Variants in NOXO1 observed in about 807,000 individuals in gnomAD.
NOXO1 encodes the protein NADPH oxidase organizer 1.
A neutral mutation model predicts 33.3 loss-of-function variants in NOXO1; 38 were observed. That is an observed-to-expected ratio of 1.14 (90% confidence interval 0.88 to 1.50). The LOEUF (loss-of-function observed/expected upper bound fraction) is 1.50. Ranked by LOEUF, NOXO1 falls within the 40% of genes most tolerant of loss-of-function variation. The pLI is 0.00. For missense variants in NOXO1, 675 were observed against 527.1 expected (o/e 1.28, Z -2.75); for synonymous variants, 302 against 237.3 (o/e 1.27, Z -2.51).
chr16:1,981,123 C>T lies in NOXO1; in HGVS notation c.57G>A (p.Lys19=). The T allele has an allele frequency of 6.2e-7, 1 of 1,613,506 alleles. No individual in the cohort carries two copies. Among genetic ancestry groups the T allele is most frequent in the Non-Finnish European group, 8.5e-7 (1 of 1,179,980 alleles). Residue 19 remains lysine (K), a synonymous_variant, in exon 1 of 8, where the codon AAG becomes AAA. Transcript: ENST00000356120. ...SVQGAALVQI[K]RLQTFAFSVR... is the part of the protein sequence containing the mutation. ...CCCAGCCAGGTCTTACTTGGAGCCT[C>T]TTGATCTGCACCAGGGCTGCCCCTT...
chr16:1,979,132 C>T lies in NOXO1; in HGVS notation c.1036G>A (p.Ala346Thr), dbSNP rs1489605902. Residue 346 changes from alanine (A) to threonine (T), a missense_variant, in exon 8 of 8, where the codon GCC becomes ACC. Coordinates refer to ENST00000356120, the MANE Select transcript of NOXO1 (RefSeq NM_172167.3). Reference sequence around the variant, plus strand: ...TGGCGCCGTGGGCGCCGCTCCAGGGCCCTGCGTGTGACGGTGCAGCAGCGG... The same window carrying T: ...TGGCGCCGTGGGCGCCGCTCCAGGGTCCTGCGTGTGACGGTGCAGCAGCGG... ...QSRCCTVTRR[A>T]LERRPRRQGR... 4.1e-6 allele frequency: 6 copies of T among 1,480,124 alleles called. No individual in the cohort carries two copies. In the Admixed American group the frequency reaches 8.2e-5, roughly 20 times the overall value. The allele number at this position is 1,480,124 out of a possible 1,614,324, so 91.7% of individuals were successfully genotyped here.
chr16:1,981,220 G>A lies in NOXO1; in HGVS notation c.-41C>T. On this transcript the variant is annotated 5_prime_UTR_variant, in exon 1 of 8. Coordinates refer to ENST00000356120, the MANE Select transcript of NOXO1 (RefSeq NM_172167.3). Reference sequence around the variant, plus strand: ...GCTGCAGATTCCTGAAATGGGCGAGGACCCTTCTGCCTCCCCGTGCTTGAG... The same window carrying A: ...GCTGCAGATTCCTGAAATGGGCGAGAACCCTTCTGCCTCCCCGTGCTTGAG... 3.1e-6 allele frequency: 5 copies of A among 1,612,330 alleles called. No homozygotes were observed. Among genetic ancestry groups the A allele is most frequent in the Non-Finnish European group, 4.2e-6 (5 of 1,179,712 alleles).
Position 1,981,031 on chromosome 16 carries a change from A to C in NOXO1, c.67-12T>G. 2 of 1,613,272 alleles carry C rather than the reference A, an allele frequency of 1.2e-6. No individual in the cohort carries two copies. The highest frequency in any genetic ancestry group is 1.6e-4 in the Middle Eastern group (1 of 6,062). ...GAGAAGGCAAACGTCTGGGGGACAA[A>C]AAGTTGGGAGTGCCGTGGAGGTGCT... On this transcript the variant is annotated splice_polypyrimidine_tract_variant and intron_variant, in intron 1 of 7. Coordinates refer to ENST00000356120, the MANE Select transcript of NOXO1 (RefSeq NM_172167.3).
At position 1,979,443 on chromosome 16, in the gene NOXO1, C is replaced by G. The variant is rs772462889; in HGVS notation, c.800G>C (p.Arg267Pro). ...CGCGTACCTGCATAGCCACCAGCCG[C>G]GGTCTGACGTTTCCAACACGCGCAC... is the stretch of plus-strand genomic sequence containing the variant. ...ARVRVLETSDRGWWLCRYGDR... is the reference protein window; with the variant it reads ...ARVRVLETSDPGWWLCRYGDR... The change falls in exon 7 of 8, where the codon CGC (arginine) becomes CCC (proline). Residue 267 changes from arginine to proline, a missense_variant. Coordinates refer to ENST00000356120, the MANE Select transcript of NOXO1 (RefSeq NM_172167.3). 1.2e-6 allele frequency: 2 copies of G among 1,610,458 alleles called. No individual in the cohort carries two copies. Among genetic ancestry groups the G allele is most frequent in the South Asian group, 1.1e-5 (1 of 90,928 alleles).
rs753283355 is a variant in NOXO1, at chr16:1,979,227, G to A, written c.941C>T (p.Pro314Leu). 2 of 1,498,572 alleles carry A rather than the reference G, an allele frequency of 1.3e-6. No homozygotes were observed. Among genetic ancestry groups the A allele is most frequent in the Non-Finnish European group, 1.8e-6 (2 of 1,130,952 alleles). 92.8% of individuals were successfully genotyped at this position (1,498,572 alleles called of 1,614,324 possible). A position where few individuals can be genotyped will look rare whatever the true frequency, so the allele number is the denominator to read the frequency against. ...AGGGGCGGTGGCCTGGGAGGGTTCA[G>A]GGAAGCCCCGGGCCTCACCCGCCGG... ...DDPAGEARGF[P>L]EPSQATAPPP... Residue 314 changes from proline to leucine, a missense_variant, in exon 8 of 8, where the codon CCT (proline) becomes CTT (leucine). Pro to Leu is a moderately conservative substitution (Grantham distance 98). Transcript: ENST00000356120.
Position 1,979,157 on chromosome 16 carries a change from G to A in NOXO1, c.1011C>T (p.Ser337=), listed in dbSNP as rs2083440977. The change falls in exon 8 of 8, where the codon AGC becomes AGT. Residue 337 remains serine, a synonymous_variant. Transcript: ENST00000356120. ...PTRPSPGAIQ[S]RCCTVTRRAL... is the part of the protein sequence containing the mutation. ...CCCTGCGTGTGACGGTGCAGCAGCGGCTCTGGATGGCGCCCGGCGAAGGTC... is the reference window on the plus strand; with the variant it reads ...CCCTGCGTGTGACGGTGCAGCAGCGACTCTGGATGGCGCCCGGCGAAGGTC... The A allele has an allele frequency of 2.1e-6, 3 of 1,462,136 alleles. No individual in the cohort carries two copies. The highest frequency in any genetic ancestry group is 2.7e-6 in the Non-Finnish European group (3 of 1,117,300). The allele number at this position is 1,462,136 out of a possible 1,614,324, so 90.6% of individuals were successfully genotyped here. A position where few individuals can be genotyped will look rare whatever the true frequency, so the allele number is the denominator to read the frequency against.
Position 1,980,529 on chromosome 16 carries a change from C to T in NOXO1, c.239G>A (p.Gly80Glu), listed in dbSNP as rs1380147992. The T allele has an allele frequency of 6.2e-7, 1 of 1,603,920 alleles. No homozygotes were observed. The highest frequency in any genetic ancestry group is 1.7e-5 in the Admixed American group (1 of 59,710). The change falls in exon 4 of 8, where the codon GGA (glycine) becomes GAA (glutamate). Residue 80 changes from glycine (G) to glutamate (E), a missense_variant. Physicochemically the swap from Gly to Glu is moderately conservative, Grantham distance 98. Transcript: ENST00000356120. ...LPKLLDAPLL[G>E]RVGRTSRGLA... is the part of the protein sequence containing the mutation. ...GCCGCGGCTCGTGCGCCCCACGCGTCCCAACAGTGGTGCATCTTAAGGCAC... is the reference window on the plus strand; with the variant it reads ...GCCGCGGCTCGTGCGCCCCACGCGTTCCAACAGTGGTGCATCTTAAGGCAC...
At position 1,980,100 on chromosome 16, in the gene NOXO1, C is replaced by T; in HGVS notation, c.483G>A (p.Gln161=). 6.2e-7 allele frequency: 1 copy of T among 1,608,106 alleles called. No homozygotes were observed. The highest frequency in any genetic ancestry group is 1.1e-5 in the South Asian group (1 of 90,218). ...AGAAGGGCTGCAGGCAGCGCAGGCT[C>T]TGAGCCTCCAGACTGTGGATGGAGA... The part of the protein sequence containing the change: ...GRLSIHSLEA[Q]SLRCLQPFCT... The change falls in exon 5 of 8, where the codon CAG becomes CAA. Residue 161 remains glutamine (Q), a synonymous_variant. Coordinates refer to ENST00000356120, the MANE Select transcript of NOXO1 (RefSeq NM_172167.3).
chr16:1,980,223 G>A lies in NOXO1; in HGVS notation c.402-42C>T, dbSNP rs753872817. On this transcript the variant is annotated intron_variant, in intron 4 of 7. Coordinates refer to ENST00000356120, the MANE Select transcript of NOXO1 (RefSeq NM_172167.3). The stretch of plus-strand genomic sequence containing the variant: ...GTACGAGTGAGAGGTAGGCGGATGG[G>A]GAGGGTGAAACTGGGGGCGCCACCC... 1.2e-5 allele frequency: 19 copies of A among 1,559,400 alleles called. No homozygotes were observed. The East Asian group carries it at 2.1e-4, about 17-fold the overall frequency.
chr16:1,978,958 C>G lies in NOXO1; in HGVS notation c.*94G>C, dbSNP rs1002240340. On this transcript the variant is annotated 3_prime_UTR_variant, in exon 8 of 8. Coordinates refer to ENST00000356120, the MANE Select transcript of NOXO1 (RefSeq NM_172167.3). ...TTACTCAGAGGAACAGCAAATGGCC[C>G]CCTCCCATCCCTGCTGGCCAGGGAG... 4 of 1,270,384 alleles carry G rather than the reference C, an allele frequency of 3.1e-6. No individual in the cohort carries two copies. The highest frequency in any genetic ancestry group is 4.3e-6 in the Non-Finnish European group (4 of 930,790). The allele number at this position is 1,270,384 out of a possible 1,614,324, so 78.7% of individuals were successfully genotyped here.
chr16:1,981,249 G>A lies in NOXO1; in HGVS notation c.-70C>T. 2 of 1,598,438 alleles carry A rather than the reference G, an allele frequency of 1.3e-6. No individual in the cohort carries two copies. The highest frequency in any genetic ancestry group is 1.7e-6 in the Non-Finnish European group (2 of 1,173,000). The stretch of plus-strand genomic sequence containing the variant: ...CTTCTGCCTCCCCGTGCTTGAGAGG[G>A]CTCTGGGGGACCCAGAAAACCCCCT... On this transcript the variant is annotated 5_prime_UTR_variant, in exon 1 of 8. Coordinates refer to ENST00000356120, the MANE Select transcript of NOXO1 (RefSeq NM_172167.3).
Position 1,979,110 on chromosome 16 carries a change from C to T in NOXO1, c.1058G>A (p.Arg353His), listed in dbSNP as rs560338082. Residue 353 changes from arginine to histidine, a missense_variant, in exon 8 of 8, where the codon CGC becomes CAC. By Grantham distance (29) the Arg-to-His change is conservative. Coordinates refer to ENST00000356120, the MANE Select transcript of NOXO1 (RefSeq NM_172167.3). ...TRRALERRPR[R>H]QGRPRGCVDS... ...CACGCACCCTCGAGGGCGGCCCTGG[C>T]GCCGTGGGCGCCGCTCCAGGGCCCT... 1.4e-4 allele frequency: 204 copies of T among 1,490,266 alleles called. 1 individual carries two copies. The African/African-American group carries it at 2.7e-3, about 20-fold the overall frequency. The allele number at this position is 1,490,266 out of a possible 1,614,324, so 92.3% of individuals were successfully genotyped here. A position where few individuals can be genotyped will look rare whatever the true frequency, so the allele number is the denominator to read the frequency against.
In NOXO1 at chr16:1,979,782, G is replaced by A. The variant is rs752232965; in HGVS notation, c.700+8C>T. ...GTGGTGGCGTGAGGGGTGGGGTTAG[G>A]CGCATACCGCTGCTCCCTAGGGACG... On this transcript the variant is annotated splice_region_variant and intron_variant, in intron 6 of 7. Coordinates refer to ENST00000356120, the MANE Select transcript of NOXO1 (RefSeq NM_172167.3). 1.3e-6 allele frequency: 2 copies of A among 1,527,654 alleles called. No individual in the cohort carries two copies. Among genetic ancestry groups the A allele is most frequent in the Non-Finnish European group, 1.8e-6 (2 of 1,134,918 alleles). 94.6% of individuals were successfully genotyped at this position (1,527,654 alleles called of 1,614,324 possible). A position where few individuals can be genotyped will look rare whatever the true frequency, so the allele number is the denominator to read the frequency against.
intron 2 of NOXO1, 76 bp from the exon 3 acceptor site, chr16:1,980,807 A>G: frequency 2.0e-6 from 3 of 1,497,190 alleles, no homozygotes; most frequent in Non-Finnish European, 2.7e-6. Flanking sequence ...CCTCACCCGG[A>G]TGGCAGGGGC....
Position 1,981,338 on chromosome 16 carries a change from C to T in NOXO1, c.-159G>A. 1 of 1,436,692 alleles carries T rather than the reference C, an allele frequency of 7.0e-7. No homozygotes were observed. Among genetic ancestry groups the T allele is most frequent in the Non-Finnish European group, 9.1e-7 (1 of 1,098,220 alleles). 89.0% of individuals were successfully genotyped at this position (1,436,692 alleles called of 1,614,324 possible). A position where few individuals can be genotyped will look rare whatever the true frequency, so the allele number is the denominator to read the frequency against. ...CTTGTGGAGCCGCCCCAGCTGAGTC[C>T]TTTGCAGCTTTCTTGCTGTCCCCCA... On this transcript the variant is annotated 5_prime_UTR_variant, in exon 1 of 8. Coordinates refer to ENST00000356120, the MANE Select transcript of NOXO1 (RefSeq NM_172167.3).
chr16:1,979,061 C>T lies in NOXO1; in HGVS notation c.1107G>A (p.Thr369=), dbSNP rs557911970. 3.2e-6 allele frequency: 5 copies of T among 1,544,898 alleles called. No homozygotes were observed. Among genetic ancestry groups the T allele is most frequent in the Admixed American group, 2.0e-5 (1 of 50,884 alleles). The part of the protein sequence containing the change: ...GCVDSVPHPT[T]EQ ...ATCGGGATCCTCGCGCTCACTGCTC[C>T]GTCGTGGGGTGCGGCACAGAGTCCA... is the stretch of plus-strand genomic sequence containing the variant. Residue 369 remains threonine (T), a synonymous_variant, in exon 8 of 8, where the codon ACG becomes ACA. Transcript: ENST00000356120.
Position 1,979,841 on chromosome 16 carries a change from C to A in NOXO1, c.649G>T (p.Glu217Ter). 1 of 1,578,434 alleles carries A rather than the reference C, an allele frequency of 6.3e-7. No homozygotes were observed. The highest frequency in any genetic ancestry group is 8.6e-7 in the Non-Finnish European group (1 of 1,163,482). ...TCCCGGCCTTGGCCCGGGGCCGCCT[C>A]CTCCAGGTAGGGCGCTGGAAACCAG... The part of the protein sequence containing the change: ...TAWFPAPYLE[E>*]AAPGQGREGG... The change falls in exon 6 of 8, where the codon GAG becomes TAG. Residue 217 changes from glutamate to a stop codon, truncating the protein, a stop_gained. Transcript: ENST00000356120. LOFTEE classifies it high-confidence loss of function.
At chr16:1,979,383 C>G in intron 7 of NOXO1, 34 bp from the exon 8 acceptor site, 4 of 1,593,104 alleles carry the variant, frequency 2.5e-6, no homozygotes, top group Non-Finnish European at 3.4e-6. Context: ...GGGCCCCGCC[C>G]GCCTCGGCTA....
rs1489605902 is a variant in NOXO1 at position 1,979,132 on chromosome 16, C to G, written c.1036G>C (p.Ala346Pro). 4.7e-6 allele frequency: 7 copies of G among 1,480,242 alleles called. No homozygotes were observed. The highest frequency in any genetic ancestry group is 2.7e-5 in the Admixed American group (1 of 36,434). 91.7% of individuals were successfully genotyped at this position (1,480,242 alleles called of 1,614,324 possible). Residue 346 changes from alanine (A) to proline (P), a missense_variant, in exon 8 of 8, where the codon GCC becomes CCC. Ala to Pro is a conservative substitution (Grantham distance 27). Coordinates refer to ENST00000356120, the MANE Select transcript of NOXO1 (RefSeq NM_172167.3). ...TGGCGCCGTGGGCGCCGCTCCAGGG[C>G]CCTGCGTGTGACGGTGCAGCAGCGG... ...QSRCCTVTRR[A>P]LERRPRRQGR...
Sources: gnomAD v4.1 joint callset for allele counts on GRCh38, gnomAD v4.1.1 for gene constraint, MANE v1.5 for transcripts, NCBI Gene and HGNC (gene_info 2026-07-23, HGNC 2026-07-21) for gene names.